Variants in KDM4B observed in about 807,000 individuals in gnomAD.
KDM4B encodes lysine-specific demethylase 4B.
KDM4B carries 32 observed loss-of-function variants against 125.2 expected under a neutral mutation model. The observed-to-expected ratio is 0.26, with a 90% CI of 0.19 to 0.34. The LOEUF (loss-of-function observed/expected upper bound fraction) is 0.34. Among genes scored for constraint, KDM4B ranks in the 10% least tolerant of loss-of-function variants. KDM4B has a pLI of 1.00. For missense variants in KDM4B, 1,190 were observed against 1,577.7 expected (o/e 0.75, Z 4.16); for synonymous variants, 721 against 677.9 (o/e 1.06, Z -0.99).
intron 6 of KDM4B, among the ~76,000 whole-genome samples, chr19:5,060,059 C>T (rs1599529322): frequency 6.6e-6 from 1 of 152,206 alleles, no homozygotes; most frequent in East Asian, 1.9e-4. Context: ...CAGGCCAGCA[C>T]CTCCTTGGGC....
At chr19:5,111,346 G>A (rs756896043) in intron 10 of KDM4B, 10 of 755,718 alleles carry the variant, frequency 1.3e-5, no homozygotes, top group East Asian at 2.4e-5. Flanking sequence ...GCCCCGGGGC[G>A]TGACCCTGGA....
At chr19:5,095,212 G>A (rs895862629) in intron 9 of KDM4B, among the ~76,000 whole-genome samples, 5 of 152,176 alleles carry the variant, frequency 3.3e-5, no homozygotes, top group Admixed American at 2.0e-4. Flanking sequence ...TCAATGTTCC[G>A]CCCTGGTTCC....
At chr19:5,094,593 G>A (rs1362867826) in intron 9 of KDM4B, among the ~76,000 whole-genome samples, 1 of 152,002 alleles carries the variant, frequency 6.6e-6, no homozygotes, top group East Asian at 1.9e-4. Context: ...CTGTGTTTTA[G>A]GGGTGGTGCC....
chr19:5,137,250 G>C lies in KDM4B; in HGVS notation c.2309-12G>C. On this transcript the variant is annotated splice_polypyrimidine_tract_variant and intron_variant, in intron 15 of 22. Transcript: ENST00000159111. ...GCCCCCCAGATCTCAGCCAGCCCCC[G>C]CTGTCTTCCAGGTTGCTATGGCATC... The C allele has an allele frequency of 1.3e-6, 2 of 1,559,574 alleles. No homozygotes were observed. The highest frequency in any genetic ancestry group is 4.7e-5 in the East Asian group (2 of 42,122).
intron 9 of KDM4B, among the ~76,000 whole-genome samples, chr19:5,086,359 A>C (rs541530724): frequency 1.3e-5 from 2 of 152,244 alleles, no homozygotes; most frequent in South Asian, 2.1e-4. Context: ...GCCGTCTGCA[A>C]ACTGAGCAGG....
Position 5,151,537 on chromosome 19 carries a change from C to T in KDM4B, c.*26C>T, listed in dbSNP as rs2039948306. ...GACAGCTGGCCGCTCAGGCGACCCT[C>T]AGCCCGGCGGGGAGGCCATGGCATG... On this transcript the variant is annotated 3_prime_UTR_variant, in exon 23 of 23. Transcript: ENST00000159111. 7.5e-7 allele frequency: 1 copy of T among 1,332,240 alleles called. No homozygotes were observed. Among genetic ancestry groups the T allele is most frequent in the Non-Finnish European group, 9.6e-7 (1 of 1,036,970 alleles). The allele number at this position is 1,332,240 out of a possible 1,614,324, so 82.5% of individuals were successfully genotyped here.
At position 5,152,034 on chromosome 19, in the gene KDM4B, G is replaced by T. The variant is rs555741224; in HGVS notation, c.*523G>T. ...GGTCAGAGCATCTCGCTGTTTTTTT[G>T]TTGTTGTTTTAAAATATTATGATTT... On this transcript the variant is annotated 3_prime_UTR_variant, in exon 23 of 23. Coordinates refer to ENST00000159111, the MANE Select transcript of KDM4B (RefSeq NM_015015.3). 8 of 152,268 alleles carry T rather than the reference G, an allele frequency of 5.3e-5. No individual in the cohort carries two copies. Among genetic ancestry groups the T allele is most frequent in the African/African-American group, 1.9e-4 (8 of 41,520 alleles). The allele number at this position is 152,268 out of a possible 1,614,324, so 9.4% of individuals were successfully genotyped here. A position where few individuals can be genotyped will look rare whatever the true frequency, so the allele number is the denominator to read the frequency against.
chr19:5,125,145 C>G (rs2039427173), intron 11 of KDM4B, among the ~76,000 whole-genome samples: 1 of 152,232 alleles, frequency 6.6e-6, no homozygotes, highest in South Asian at 2.1e-4. Context: ...GCCTCAGCCT[C>G]CCAAAGTGCT....
Position 5,114,267 on chromosome 19 carries a change from C to T in KDM4B, c.1115+3449C>T, listed in dbSNP as rs1188595921. Reference sequence around the variant, plus strand: ...ATCTGTGCACCCGCCTCACCACAGCCTCCCTGGCCCACTGCTGCTCTGTGA... The same window carrying T: ...ATCTGTGCACCCGCCTCACCACAGCTTCCCTGGCCCACTGCTGCTCTGTGA... On this transcript the variant is annotated intron_variant, in intron 10 of 22. Transcript: ENST00000159111. The surrounding 1 kb of genome is among the most constrained non-coding windows in gnomAD (Gnocchi z 5.8). 3.9e-6 allele frequency: 5 copies of T among 1,274,860 alleles called. No individual in the cohort carries two copies. The highest frequency in any genetic ancestry group is 4.1e-6 in the Non-Finnish European group (4 of 975,234). 79.0% of individuals were successfully genotyped at this position (1,274,860 alleles called of 1,614,324 possible). A position where few individuals can be genotyped will look rare whatever the true frequency, so the allele number is the denominator to read the frequency against.
At position 5,151,873 on chromosome 19, in the gene KDM4B, A is replaced by G. The variant is rs556305917; in HGVS notation, c.*362A>G. The G allele has an allele frequency of 2.8e-5, 6 of 215,644 alleles. No homozygotes were observed. The South Asian group carries it at 7.4e-4, about 26-fold the overall frequency. The allele number at this position is 215,644 out of a possible 1,614,324, so 13.4% of individuals were successfully genotyped here. On this transcript the variant is annotated 3_prime_UTR_variant, in exon 23 of 23. Transcript: ENST00000159111. ...TTTGTGAGGCTCTTTCTATAAATAC[A>G]TATTGTTTAAAAAAAAGCAAGAAAA...
intron 18 of KDM4B, chr19:5,140,896 C>T (rs1251117872): frequency 6.6e-6 from 1 of 152,254 alleles, no homozygotes; most frequent in Non-Finnish European, 1.5e-5. Context: ...GGGCCCGCAG[C>T]CAGTAGCACC....
At chr19:5,055,639 C>A (rs1451215757) in intron 6 of KDM4B, among the ~76,000 whole-genome samples, 1 of 152,128 alleles carries the variant, frequency 6.6e-6, no homozygotes, top group Non-Finnish European at 1.5e-5. Context: ...CGCCCCGCAG[C>A]AGGCGAGTGT....
In KDM4B at chr19:5,152,113, G is replaced by C. The variant is rs541541486; in HGVS notation, c.*602G>C. The C allele has an allele frequency of 7.7e-6, 1 of 129,394 alleles. No individual in the cohort carries two copies. The highest frequency in any genetic ancestry group is 2.0e-4 in the East Asian group (1 of 4,952). The allele number at this position is 129,394 out of a possible 1,614,324, so 8.0% of individuals were successfully genotyped here. On this transcript the variant is annotated 3_prime_UTR_variant, in exon 23 of 23. Coordinates refer to ENST00000159111, the MANE Select transcript of KDM4B (RefSeq NM_015015.3). ...CGGTAATTGGAGGGTGAGCCTCGGGGGGGGGGCAGGACGCCCCGGTTTCGG... is the reference window on the plus strand; with the variant it reads ...CGGTAATTGGAGGGTGAGCCTCGGGCGGGGGGCAGGACGCCCCGGTTTCGG...
At chr19:5,026,276 C>T (rs1356653778) in intron 2 of KDM4B, among the ~76,000 whole-genome samples, 2 of 151,236 alleles carry the variant, frequency 1.3e-5, no homozygotes, top group African/African-American at 2.4e-5. Context: ...CCTATGTGTG[C>T]GGCCTCCCAA....
rs1358176189 is a variant in KDM4B at position 4,997,233 on chromosome 19, C to T, written c.-108-19024C>T. ...ATTGTGTTACCTTTTTTCTCAGTTCCTCACTTATCTTTAGTTTTATTTTTG... is the reference window on the plus strand; with the variant it reads ...ATTGTGTTACCTTTTTTCTCAGTTCTTCACTTATCTTTAGTTTTATTTTTG... On this transcript the variant is annotated intron_variant, in intron 1 of 22. Coordinates refer to ENST00000159111, the MANE Select transcript of KDM4B (RefSeq NM_015015.3). This position sits in a 1 kb window ranked among gnomAD's most constrained non-coding sequence, Gnocchi z 4.2. 5.9e-5 allele frequency among the ~76,000 whole-genome samples: 9 copies of T among 152,142 alleles called. No homozygotes were observed. Among genetic ancestry groups the T allele is most frequent in the African/African-American group, 2.2e-4 (9 of 41,406 alleles).
intron 2 of KDM4B, among the ~76,000 whole-genome samples, chr19:5,030,618 T>A (rs1369218739): frequency 6.6e-6 from 1 of 152,100 alleles, no homozygotes; most frequent in East Asian, 1.9e-4. Flanking sequence ...TGCACGAGGG[T>A]CCCAGCGCCT....
At chr19:5,139,617 G>A (rs1016687703) in intron 18 of KDM4B, among the ~76,000 whole-genome samples, 17 of 152,360 alleles carry the variant, frequency 1.1e-4, no homozygotes, top group Non-Finnish European at 1.9e-4. Flanking sequence ...AGCCGCCCTA[G>A]CAGGTGCGAG....
intron 9 of KDM4B, among the ~76,000 whole-genome samples, chr19:5,101,011 A>C (rs1013334013): frequency 1.3e-5 from 2 of 152,020 alleles, no homozygotes; most frequent in Non-Finnish European, 2.9e-5. Context: ...ACCTGAGGTC[A>C]GGAGTTCAAG....
chr19:5,143,622 A>G (rs1599269901), intron 18 of KDM4B, among the ~76,000 whole-genome samples: 1 of 152,132 alleles, frequency 6.6e-6, no homozygotes, highest in East Asian at 1.9e-4. Context: ...GCTGAGCGAC[A>G]CCACGTGGGG....
Sources: allele counts gnomAD v4.1 joint callset (sites outside exome capture counted in the v4.1 genomes callset), GRCh38; gene constraint gnomAD v4.1.1; non-coding constraint Gnocchi (gnomAD v3.1); transcripts MANE v1.5; gene names NCBI Gene and HGNC (gene_info 2026-07-23, HGNC 2026-07-21).